The following RNF38 variants were observed in gnomAD, a reference collection of about 807,000 sequenced individuals.
RNF38 encodes E3 ubiquitin-protein ligase RNF38.
A neutral mutation model predicts 67.2 loss-of-function variants in RNF38; 15 were observed. The ratio of observed to expected loss-of-function variants is 0.22; its 90% CI spans 0.15 to 0.34. The LOEUF is 0.34. Ranked by LOEUF, RNF38 falls within the 10% of genes least tolerant of loss-of-function variation. The probability of loss-of-function intolerance (pLI) is 1.00; values close to 1 mark genes in which losing one functional copy is unlikely to be tolerated. For missense variants in RNF38, 524 were observed against 639.9 expected, an observed-to-expected ratio of 0.82 and a Z score of 1.95; for synonymous variants, 220 against 218.8, an observed-to-expected ratio of 1.01 and a Z score of -0.05.
chr9:36,358,965 C>G (rs904632844), intron 4 of RNF38, among the ~76,000 whole-genome samples: 8 of 152,066 alleles, frequency 5.3e-5, no homozygotes, highest in African/African-American at 1.9e-4. Flanking sequence ...GAGCTGAGAT[C>G]GCGCCATTGC....
At chr9:36,449,568 T>C (rs1012920518) in intron 1 of RNF38, among the ~76,000 whole-genome samples, 4 of 152,116 alleles carry the variant, frequency 2.6e-5, no homozygotes, top group South Asian at 2.1e-4. Context: ...CCCAAGTAGA[T>C]AGGACTACAG....
At chr9:36,406,770 G>GA (rs767286202) in intron 2 of RNF38, among the ~76,000 whole-genome samples, 3 of 152,220 alleles carry the variant, frequency 2.0e-5, no homozygotes, top group South Asian at 4.1e-4. Context: ...AAGGGATGCA[G>GA]AAAAAATAAA....
chr9:36,483,175 C>G (rs907337032), intron 1 of RNF38, among the ~76,000 whole-genome samples: 3 of 152,118 alleles, frequency 2.0e-5, no homozygotes, highest in African/African-American at 7.2e-5. Context: ...TCACAGAGGT[C>G]AGGAGTTTGA....
At chr9:36,340,575 T>C (rs1363080265) in intron 11 of RNF38, among the ~76,000 whole-genome samples, 2 of 152,188 alleles carry the variant, frequency 1.3e-5, no homozygotes, top group Non-Finnish European at 2.9e-5. Context: ...TTTCACTAAG[T>C]TGCCCAGGCT....
At chr9:36,422,433 A>C (rs4446808) in intron 2 of RNF38, among the ~76,000 whole-genome samples, 81,781 of 149,482 alleles carry the variant, frequency 0.55, 23,176 homozygotes, top group Non-Finnish European at 0.64. Context: ...AAAAAACAAA[A>C]AAAAAAAAAC....
intron 2 of RNF38, among the ~76,000 whole-genome samples, chr9:36,380,438 G>T (rs919585153): frequency 2.0e-5 from 3 of 152,148 alleles, no homozygotes; most frequent in Non-Finnish European, 2.9e-5. Flanking sequence ...GACCTCAGGT[G>T]ATCTGCCCGC....
intron 1 of RNF38, among the ~76,000 whole-genome samples, chr9:36,477,613 A>G (rs1295690256): frequency 6.6e-6 from 1 of 151,670 alleles, no homozygotes; most frequent in Non-Finnish European, 1.5e-5. Context: ...CGAGGTCAGG[A>G]GATCGAGACC....
Position 36,353,130 on chromosome 9 carries a change from C to T in RNF38, c.1071+40G>A, listed in dbSNP as rs145623822. 261 of 1,556,776 alleles carry T rather than the reference C, an allele frequency of 1.7e-4. No individual in the cohort carries two copies. In the African/African-American group the frequency reaches 3.2e-3, roughly 19 times the overall value. ...AACATAACTCAGAACAAGTAAGTTG[C>T]CAAAGCAAGTAATTAACATAGTACT... is the stretch of plus-strand genomic sequence containing the variant. On this transcript the variant is annotated intron_variant, in intron 7 of 11. Coordinates refer to ENST00000259605, the MANE Select transcript of RNF38 (RefSeq NM_022781.5).
At chr9:36,455,373 ATATTGTACTTT>A (rs2134352505) in intron 1 of RNF38, among the ~76,000 whole-genome samples, 1 of 152,218 alleles carries the variant, frequency 6.6e-6, no homozygotes, top group East Asian at 1.9e-4. Flanking sequence ...TGTAAATGAA[ATATTGTACTTT>A]ATCTCAGTTG....
chr9:36,388,184 A>G (rs1356573168), intron 2 of RNF38, among the ~76,000 whole-genome samples: 1 of 152,164 alleles, frequency 6.6e-6, no homozygotes, highest in Non-Finnish European at 1.5e-5. Flanking sequence ...TATGGGATAT[A>G]ACATGGAGGG....
intron 1 of RNF38, among the ~76,000 whole-genome samples, chr9:36,398,682 G>A (rs2134121828): frequency 6.6e-6 from 1 of 152,304 alleles, no homozygotes; most frequent in East Asian, 1.9e-4. Flanking sequence ...TAAAATGGAA[G>A]TGAAAACTGT....
intron 1 of RNF38, among the ~76,000 whole-genome samples, chr9:36,396,564 AG>A (rs1251535740): frequency 6.6e-6 from 1 of 152,112 alleles, no homozygotes; most frequent in Admixed American, 6.5e-5. Context: ...AGTGTGGAGC[AG>A]GGGTACTCAA....
At chr9:36,413,605 TTC>T (rs2134206151) in intron 2 of RNF38, among the ~76,000 whole-genome samples, 1 of 152,324 alleles carries the variant, frequency 6.6e-6, no homozygotes, top group East Asian at 1.9e-4. Flanking sequence ...TGGGATATGT[TTC>T]TGTTTGTTTG....
chr9:36,357,642 T>C (rs1329699958), intron 5 of RNF38, 133 bp downstream of exon 5: 2 of 546,436 alleles, frequency 3.7e-6, no homozygotes, highest in African/African-American at 1.9e-5. Context: ...ACAAAGACAG[T>C]CTCTTAAATT....
intron 1 of RNF38, among the ~76,000 whole-genome samples, chr9:36,477,507 T>C (rs1840147940): frequency 6.6e-6 from 1 of 151,636 alleles, no homozygotes; most frequent in African/African-American, 2.4e-5. Context: ...GAAACCTCCA[T>C]GTCACAAAAA....
intron 1 of RNF38, among the ~76,000 whole-genome samples, chr9:36,484,380 G>A (rs2134464285): frequency 6.6e-6 from 1 of 152,346 alleles, no homozygotes; most frequent in South Asian, 2.1e-4. Flanking sequence ...GGCTGCGCTA[G>A]GCTGGAGCCT....
At chr9:36,432,650 G>A (rs1198985908) in intron 1 of RNF38, among the ~76,000 whole-genome samples, 1 of 151,934 alleles carries the variant, frequency 6.6e-6, no homozygotes, top group African/African-American at 2.4e-5. Context: ...AAAATTAGCT[G>A]GGCGTGGTGG....
At chr9:36,408,266 A>AT (rs35564069) in intron 2 of RNF38, among the ~76,000 whole-genome samples, 45,103 of 134,654 alleles carry the variant, frequency 0.33, 7,880 homozygotes, top group Non-Finnish European at 0.39. Flanking sequence ...AACAGACTTA[A>AT]TTTTTTTTTT....
chr9:36,485,815 T>A (rs979185545), intron 1 of RNF38, among the ~76,000 whole-genome samples: 1 of 152,136 alleles, frequency 6.6e-6, no homozygotes, highest in African/African-American at 2.4e-5. Context: ...TTCCCTCTTT[T>A]GTCAAGCCTT....
Sources: gnomAD v4.1 joint callset for allele counts (sites outside exome capture counted in the v4.1 genomes callset) on GRCh38, gnomAD v4.1.1 for gene constraint, MANE v1.5 for transcripts, NCBI Gene and HGNC (gene_info 2026-07-23, HGNC 2026-07-21) for gene names.